ZNG1B: variants seen among roughly 807,000 people sequenced by gnomAD.
The protein encoded by ZNG1B is zinc-regulated GTPase metalloprotein activator 1B.
At chr2:113,481,971 G>A in the ZNG1B span, 4 of 840,840 alleles carry the variant, frequency 4.8e-6, no homozygotes, top group Admixed American at 2.9e-5. Flanking sequence ...ATATGAATGT[G>A]TGGGTTTTTT....
At chr2:113,476,641 T>C in the ZNG1B span, among the ~76,000 whole-genome samples, 1 of 150,200 alleles carries the variant, frequency 6.7e-6, no homozygotes, top group Non-Finnish European at 1.5e-5. Flanking sequence ...TCCCCATCTT[T>C]GTGGTTTTTA....
the ZNG1B span, among the ~76,000 whole-genome samples, chr2:113,471,369 A>G: frequency 6.6e-6 from 1 of 152,214 alleles, no homozygotes; most frequent in Non-Finnish European, 1.5e-5. Flanking sequence ...TACTCTTTCT[A>G]TGAGAAAATG....
chr2:113,462,485 C>G, the ZNG1B span: 3 of 1,595,944 alleles, frequency 1.9e-6, no homozygotes, highest in African/African-American at 2.7e-5. Context: ...AAATTAAGAG[C>G]GACAATTAGG....
the ZNG1B span, among the ~76,000 whole-genome samples, chr2:113,467,091 C>A: frequency 1.3e-5 from 2 of 149,608 alleles, no homozygotes; most frequent in Non-Finnish European, 3.0e-5. Context: ...AACAAAAAAA[C>A]CGGAGATTTG....
the ZNG1B span, chr2:113,470,932 T>C: frequency 1.5e-6 from 2 of 1,349,966 alleles, no homozygotes; most frequent in Middle Eastern, 2.6e-4. Context: ...TTCTATGAAT[T>C]TTATGTATAA....
the ZNG1B span, among the ~76,000 whole-genome samples, chr2:113,440,773 A>G: frequency 1.4e-5 from 2 of 145,548 alleles, no homozygotes; most frequent in African/African-American, 2.6e-5. Context: ...GAACTACAAT[A>G]CTATGCAGTT....
At chr2:113,473,515 AACACTAT>A in the ZNG1B span, among the ~76,000 whole-genome samples, 1 of 150,930 alleles carries the variant, frequency 6.6e-6, no homozygotes, top group Non-Finnish European at 1.5e-5. Context: ...CAGAACTTCC[AACACTAT>A]GTTGAATAGG....
the ZNG1B span, among the ~76,000 whole-genome samples, chr2:113,472,119 A>G: frequency 4.7e-5 from 7 of 148,354 alleles, no homozygotes; most frequent in Admixed American, 4.0e-4. Context: ...AAGTGTTCCT[A>G]TTTCTCCACA....
the ZNG1B span, among the ~76,000 whole-genome samples, chr2:113,442,406 A>G: frequency 1.3e-5 from 2 of 152,224 alleles, no homozygotes; most frequent in African/African-American, 4.8e-5. Flanking sequence ...TTCTTTTAAA[A>G]TGTACTATTT....
At chr2:113,475,692 C>CA in the ZNG1B span, among the ~76,000 whole-genome samples, 1 of 151,970 alleles carries the variant, frequency 6.6e-6, no homozygotes, top group Admixed American at 6.6e-5. Flanking sequence ...CTGGTGGTGA[C>CA]AAAATCTCTC....
the ZNG1B span, chr2:113,445,093 T>C: frequency 6.2e-7 from 1 of 1,601,840 alleles, no homozygotes. Context: ...AATATAGTTC[T>C]GTGATATACT....
At chr2:113,454,704 T>G in the ZNG1B span, 4 of 1,566,494 alleles carry the variant, frequency 2.6e-6, no homozygotes, top group African/African-American at 5.4e-5. Context: ...ATAAACATTC[T>G]TTTTAAAAAG....
chr2:113,437,821 T>C, the ZNG1B span: 4 of 1,608,678 alleles, frequency 2.5e-6, no homozygotes, highest in Non-Finnish European at 3.4e-6. Context: ...CGGTACGGCG[T>C]GTTGGTCCCA....
the ZNG1B span, among the ~76,000 whole-genome samples, chr2:113,459,880 G>A: frequency 2.2e-5 from 3 of 138,692 alleles, no homozygotes; most frequent in African/African-American, 7.8e-5. Flanking sequence ...TGACGTTAGG[G>A]ATGTAAACAG....
chr2:113,467,045 C>T, the ZNG1B span, among the ~76,000 whole-genome samples: 11 of 128,742 alleles, frequency 8.5e-5, no homozygotes, highest in East Asian at 2.3e-3. Flanking sequence ...GCCTGGGTGA[C>T]AGAGCGAGAC....
chr2:113,484,687 T>TCCGGCTGGAGTCTCACC, the ZNG1B span, among the ~76,000 whole-genome samples: 2 of 151,670 alleles, frequency 1.3e-5, no homozygotes, highest in South Asian at 4.2e-4. Flanking sequence ...GGAGTCTCGC[T>TCCGGCTGGAGTCTCACC]CCGGCTGGAG....
At chr2:113,449,189 T>C in the ZNG1B span, among the ~76,000 whole-genome samples, 2 of 151,904 alleles carry the variant, frequency 1.3e-5, no homozygotes, top group Admixed American at 6.6e-5. Context: ...TAAGGGAACA[T>C]TGTGGCTTGT....
At chr2:113,441,888 CG>C in the ZNG1B span, among the ~76,000 whole-genome samples, 1 of 152,160 alleles carries the variant, frequency 6.6e-6, no homozygotes, top group Admixed American at 6.5e-5. Context: ...TACAGGCGTG[CG>C]CCACCATGCC....
the ZNG1B span, among the ~76,000 whole-genome samples, chr2:113,461,328 C>T: frequency 1.3e-4 from 19 of 151,830 alleles, no homozygotes; most frequent in Admixed American, 5.3e-4. Context: ...GTGATCCACC[C>T]GCCTCGGCCT....
Sources: allele counts gnomAD v4.1 joint callset (sites outside exome capture counted in the v4.1 genomes callset), GRCh38; gene constraint gnomAD v4.1.1; transcripts MANE v1.5; gene names NCBI Gene and HGNC (gene_info 2026-07-23, HGNC 2026-07-21).